Variants in DGKB observed in about 807,000 individuals in gnomAD.
DGKB encodes the protein diacylglycerol kinase beta.
DGKB carries 67 observed loss-of-function variants against 114.3 expected under a neutral mutation model. The observed-to-expected ratio is 0.59, with a 90% confidence interval of 0.48 to 0.72. DGKB has a LOEUF of 0.72. DGKB is among the 30% of genes least tolerant of loss of function. The pLI, the probability that DGKB is intolerant of heterozygous loss-of-function variation, is 0.00. For synonymous variants in DGKB, 398 were observed against 323.1 expected (o/e 1.23, Z -2.49); for missense variants, 907 against 975.2 (o/e 0.93, Z 0.93).
chr7:14,641,490 C>T (rs1168976624), intron 13 of DGKB, among the ~76,000 whole-genome samples: 2 of 59,808 alleles, frequency 3.3e-5, no homozygotes, highest in Non-Finnish European at 7.9e-5. Flanking sequence ...TTATCTTTCT[C>T]ATTTTGGAAA....
At chr7:14,408,965 G>A (rs1285982495) in intron 21 of DGKB, among the ~76,000 whole-genome samples, 1 of 152,014 alleles carries the variant, frequency 6.6e-6, no homozygotes, top group African/African-American at 2.4e-5. Flanking sequence ...CTACCATAAA[G>A]TATACATACA....
intron 13 of DGKB, among the ~76,000 whole-genome samples, chr7:14,637,574 G>A (rs1563750225): frequency 6.6e-6 from 1 of 150,852 alleles, no homozygotes. Flanking sequence ...ATATACTTGT[G>A]ATTACAACAT....
intron 20 of DGKB, among the ~76,000 whole-genome samples, chr7:14,496,560 C>G (rs1293448751): frequency 6.6e-6 from 1 of 151,690 alleles, no homozygotes; most frequent in African/African-American, 2.4e-5. Context: ...TATTGTATGC[C>G]AAACACTGTG....
intron 23 of DGKB, among the ~76,000 whole-genome samples, chr7:14,304,954 A>C (rs1804222124): frequency 1.3e-5 from 2 of 151,652 alleles, no homozygotes; most frequent in Admixed American, 6.6e-5. Flanking sequence ...CTCAAAGTAC[A>C]TACATATCTC....
Position 14,386,677 on chromosome 7 carries a change from G to C in DGKB, c.1836-41286C>G, listed in dbSNP as rs566415632. ...CTACAGTAATTACAGCAAAGCTGTA[G>C]ATAACTGTCCCTCTGATGAACTCTA... On this transcript the variant is annotated intron_variant, in intron 21 of 25. Coordinates refer to ENST00000402815, the MANE Select transcript of DGKB (RefSeq NM_001350709.2). Among the ~76,000 whole-genome samples the C allele has an allele frequency of 4.5e-4, 68 of 152,176 alleles. 1 individual carries two copies. Among genetic ancestry groups the C allele is most frequent in the Non-Finnish European group, 8.8e-4 (60 of 68,032 alleles).
intron 23 of DGKB, among the ~76,000 whole-genome samples, chr7:14,279,040 G>A (rs1012920795): frequency 5.3e-5 from 8 of 152,192 alleles, no homozygotes; most frequent in South Asian, 2.1e-4. Flanking sequence ...TGAGCGAGCC[G>A]AAGCAGGGCG....
At chr7:14,818,597 C>A (rs12537826) in intron 2 of DGKB, among the ~76,000 whole-genome samples, 1 of 152,050 alleles carries the variant, frequency 6.6e-6, no homozygotes, top group East Asian at 1.9e-4. Flanking sequence ...AGAACAGCTA[C>A]GACATAATGG....
At chr7:14,603,624 G>A (rs1803965156) in intron 17 of DGKB, among the ~76,000 whole-genome samples, 1 of 152,048 alleles carries the variant, frequency 6.6e-6, no homozygotes, top group Non-Finnish European at 1.5e-5. Flanking sequence ...TTTGAAATAT[G>A]TAAATCTGTA....
chr7:14,334,743 T>C (rs143267997), intron 23 of DGKB, among the ~76,000 whole-genome samples: 7 of 152,230 alleles, frequency 4.6e-5, no homozygotes, highest in Non-Finnish European at 7.4e-5. Context: ...TGTACATTAA[T>C]GTGAATGAAT....
chr7:14,942,172 C>T (rs1482655639), intron 1 of DGKB, among the ~76,000 whole-genome samples: 2 of 151,706 alleles, frequency 1.3e-5, no homozygotes, highest in Non-Finnish European at 2.9e-5. Context: ...GCCTCTCTTC[C>T]TCATTCCGGA....
At chr7:14,701,477 A>G (rs1825164863) in intron 7 of DGKB, among the ~76,000 whole-genome samples, 1 of 152,214 alleles carries the variant, frequency 6.6e-6, no homozygotes, top group Non-Finnish European at 1.5e-5. Context: ...TGTGGTATGC[A>G]AAACTATTCA....
chr7:14,417,551 G>T (rs1157658569), intron 21 of DGKB, among the ~76,000 whole-genome samples: 1 of 151,886 alleles, frequency 6.6e-6, no homozygotes, highest in Admixed American at 6.6e-5. Context: ...CAACAGAGAA[G>T]TTTGATAAAT....
intron 21 of DGKB, among the ~76,000 whole-genome samples, chr7:14,449,188 G>A (rs1447012162): frequency 6.6e-6 from 1 of 152,100 alleles, no homozygotes; most frequent in African/African-American, 2.4e-5. Flanking sequence ...AACTCAGCAA[G>A]TAATTTTAGT....
chr7:14,564,126 T>C (rs1429831823), intron 20 of DGKB, among the ~76,000 whole-genome samples: 8 of 152,202 alleles, frequency 5.3e-5, no homozygotes, highest in Non-Finnish European at 4.4e-5. Context: ...TTTTGTCTGC[T>C]TGCTCTGTGC....
At chr7:14,317,404 A>ATC (rs1480945363) in intron 23 of DGKB, among the ~76,000 whole-genome samples, 1 of 145,630 alleles carries the variant, frequency 6.9e-6, no homozygotes, top group Non-Finnish European at 1.5e-5. Flanking sequence ...TCAGCCCAAA[A>ATC]TCTCCTTAAG....
intron 13 of DGKB, among the ~76,000 whole-genome samples, chr7:14,634,211 C>T (rs1810291996): frequency 6.6e-6 from 1 of 150,432 alleles, no homozygotes; most frequent in Non-Finnish European, 1.5e-5. Flanking sequence ...TTTAATACTC[C>T]CACTGAAACA....
chr7:14,851,493 G>T (rs1849346070), intron 1 of DGKB, among the ~76,000 whole-genome samples: 1 of 152,052 alleles, frequency 6.6e-6, no homozygotes, highest in Non-Finnish European at 1.5e-5. Context: ...TTCTCAATAT[G>T]AAATAATGTA....
At chr7:14,891,957 G>A (rs968130892) in intron 1 of DGKB, among the ~76,000 whole-genome samples, 1 of 151,310 alleles carries the variant, frequency 6.6e-6, no homozygotes, top group Admixed American at 6.6e-5. Flanking sequence ...TACCCCAATT[G>A]AAAATGCAAA....
intron 25 of DGKB, 181 bp downstream of exon 25, chr7:14,176,658 G>T: frequency 7.4e-7 from 1 of 1,355,880 alleles, no homozygotes; most frequent in African/African-American, 1.5e-5. Flanking sequence ...CATTGCCAAG[G>T]GTATATAATG....
Sources: allele counts gnomAD v4.1 joint callset (sites outside exome capture counted in the v4.1 genomes callset), GRCh38; gene constraint gnomAD v4.1.1; transcripts MANE v1.5; gene names NCBI Gene and HGNC (gene_info 2026-07-23, HGNC 2026-07-21).